The following NAALAD2 variants were observed in gnomAD, a reference collection of about 807,000 sequenced individuals.
NAALAD2 encodes N-acetylated alpha-linked acidic dipeptidase 2.
Under a neutral mutation model 95.6 loss-of-function variants are expected in NAALAD2, and 89 were observed. The observed-to-expected ratio is 0.93, with a 90% CI of 0.78 to 1.11. The LOEUF (loss-of-function observed/expected upper bound fraction) is 1.11. Ranked by LOEUF, NAALAD2 falls within the 50% of genes least tolerant of loss-of-function variation. The pLI is 0.00. For synonymous variants in NAALAD2, 264 were observed against 294.4 expected (o/e 0.90, Z 1.06); for missense variants, 894 against 872.4 (o/e 1.02, Z -0.31).
At chr11:90,134,656 G>T, upstream of NAALAD2, 1 of 1,150,158 alleles carries the variant, frequency 8.7e-7, no homozygotes, top group East Asian at 2.4e-5. Context: ...GTCAGCGGAG[G>T]CCACCCAGAG....
chr11:90,148,522 C>T (rs1221134173), intron 3 of NAALAD2, among the ~76,000 whole-genome samples: 5 of 152,004 alleles, frequency 3.3e-5, no homozygotes, highest in Non-Finnish European at 7.4e-5. Context: ...GATGAAATAA[C>T]CACCAAACAT....
upstream of NAALAD2, chr11:90,131,769 G>T (rs1951356149): frequency 6.6e-6 from 1 of 152,114 alleles, no homozygotes; most frequent in Non-Finnish European, 1.5e-5. Context: ...TGGAGAAGAG[G>T]AGGAAAAAAT....
chr11:90,154,884 T>TATATGTATATATTATATACGTATAC (rs1565521423), intron 6 of NAALAD2, among the ~76,000 whole-genome samples: 25 of 51,090 alleles, frequency 4.9e-4, no homozygotes, highest in South Asian at 7.3e-4. Flanking sequence ...GTATACATAA[T>TATATGTATATATTATATACGTATAC]ATATGTATAT....
At chr11:90,168,236 ACT>A (rs1385663291) in intron 11 of NAALAD2, among the ~76,000 whole-genome samples, 5 of 152,204 alleles carry the variant, frequency 3.3e-5, no homozygotes, top group Non-Finnish European at 5.9e-5. Context: ...GAAGGAAGAA[ACT>A]CTGAACACAT....
Position 90,149,078 on chromosome 11 carries a change from A to G in NAALAD2, c.454A>G (p.Asn152Asp). 2 of 1,602,494 alleles carry G rather than the reference A, an allele frequency of 1.2e-6. No homozygotes were observed. Among genetic ancestry groups the G allele is most frequent in the Non-Finnish European group, 1.7e-6 (2 of 1,173,390 alleles). Residue 152 changes from asparagine (N) to aspartate (D), a missense_variant, in exon 4 of 19, where the codon AAT becomes GAT. By Grantham distance (23) the Asn-to-Asp change is conservative. Coordinates refer to ENST00000534061, the MANE Select transcript of NAALAD2 (RefSeq NM_005467.4). Reference sequence around the variant, plus strand: ...TGTTACAAATATTGTGCCACCATATAATGCTTTCTCAGCCCAAGGCATGCC... The same window carrying G: ...TGTTACAAATATTGTGCCACCATATGATGCTTTCTCAGCCCAAGGCATGCC... ...ENVTNIVPPY[N>D]AFSAQGMPEG...
intron 6 of NAALAD2, among the ~76,000 whole-genome samples, chr11:90,156,592 G>C (rs1565524788): frequency 6.6e-6 from 1 of 151,904 alleles, no homozygotes. Context: ...TTTTATGTTA[G>C]AGACAAGATT....
At chr11:90,153,830 C>T (rs1446862575) in intron 6 of NAALAD2, among the ~76,000 whole-genome samples, 1 of 151,974 alleles carries the variant, frequency 6.6e-6, no homozygotes, top group East Asian at 1.9e-4. Flanking sequence ...AGTTTCAATA[C>T]CAATTTTTCT....
rs1952345042 is a variant in NAALAD2 at position 90,163,239 on chromosome 11, T to C, written c.1076-71T>C. On this transcript the variant is annotated intron_variant, in intron 9 of 18. Coordinates refer to ENST00000534061, the MANE Select transcript of NAALAD2 (RefSeq NM_005467.4). Reference sequence around the variant, plus strand: ...AAACTCAAGCAAGAGGATGTTTATTTTAAAAACATAAATTACAAATATTTA... The same window carrying C: ...AAACTCAAGCAAGAGGATGTTTATTCTAAAAACATAAATTACAAATATTTA... The C allele has an allele frequency of 2.7e-6, 4 of 1,495,388 alleles. No individual in the cohort carries two copies. The South Asian group carries it at 5.0e-5, about 19-fold the overall frequency. The allele number at this position is 1,495,388 out of a possible 1,614,324, so 92.6% of individuals were successfully genotyped here.
intron 12 of NAALAD2, chr11:90,169,534 A>G (rs1190171282): frequency 2.0e-5 from 3 of 153,222 alleles, no homozygotes; most frequent in Middle Eastern, 6.7e-3. Flanking sequence ...AAAGAAAAAG[A>G]AAAAAACTGA....
chr11:90,158,456 A>T, intron 7 of NAALAD2: 1 of 432,126 alleles, frequency 2.3e-6, no homozygotes, highest in Non-Finnish European at 4.1e-6. Flanking sequence ...TTCGCTACAA[A>T]TGAAATTCTC....
chr11:90,163,974 T>G, intron 11 of NAALAD2: 1 of 376,516 alleles, frequency 2.7e-6, no homozygotes, highest in Non-Finnish European at 4.7e-6. Flanking sequence ...TAGAGCTAAT[T>G]TTCAAGTTTT....
rs1364119393 is a variant in NAALAD2 at position 90,169,202 on chromosome 11, T to C, written c.1342+210T>C. 2.0e-5 allele frequency: 9 copies of C among 448,238 alleles called. No individual in the cohort carries two copies. In the East Asian group the frequency reaches 2.7e-4, roughly 13 times the overall value. 27.8% of individuals were successfully genotyped at this position (448,238 alleles called of 1,614,324 possible). On this transcript the variant is annotated intron_variant, in intron 12 of 18. Coordinates refer to ENST00000534061, the MANE Select transcript of NAALAD2 (RefSeq NM_005467.4). ...TAATTAGGATTCATATGAATTGATA[T>C]GATTCATAACTAAGCTATTGCTTTT...
intron 12 of NAALAD2, chr11:90,169,820 T>C: frequency 4.4e-6 from 2 of 450,456 alleles, no homozygotes; most frequent in African/African-American, 2.0e-5. Context: ...GAATGACCCT[T>C]ATAATCACTG....
intron 11 of NAALAD2, among the ~76,000 whole-genome samples, chr11:90,165,797 CAT>C (rs1171754505): frequency 2.0e-5 from 3 of 152,258 alleles, no homozygotes; most frequent in East Asian, 1.9e-4. Flanking sequence ...GATTTAGAAA[CAT>C]GTGATTTCTT....
Position 90,191,849 on chromosome 11 carries a change from A to G in NAALAD2, c.*102A>G. ...AGCCAGGGTGTTCTAAACTCTTTTC[A>G]TGTCATGTTTTGATTATAGGCTTTG... On this transcript the variant is annotated 3_prime_UTR_variant, in exon 19 of 19. Coordinates refer to ENST00000534061, the MANE Select transcript of NAALAD2 (RefSeq NM_005467.4). 2.2e-6 allele frequency: 2 copies of G among 906,594 alleles called. No individual in the cohort carries two copies. Among genetic ancestry groups the G allele is most frequent in the South Asian group, 3.5e-5 (1 of 28,602 alleles). 56.2% of individuals were successfully genotyped at this position (906,594 alleles called of 1,614,324 possible).
chr11:90,169,944 G>A, intron 12 of NAALAD2, 125 bp from the exon 13 acceptor site: 1 of 691,558 alleles, frequency 1.4e-6, no homozygotes, highest in South Asian at 1.7e-5. Context: ...TATTCTTTGG[G>A]AATAAAATCT....
At chr11:90,163,487 A>G (rs770193738) in intron 10 of NAALAD2, 48 bp from the exon 11 acceptor site, 5 of 1,612,984 alleles carry the variant, frequency 3.1e-6, no homozygotes, top group Non-Finnish European at 4.2e-6. Flanking sequence ...ATTTTCTTTT[A>G]TTTTTTAGGC....
At position 90,170,586 on chromosome 11, in the gene NAALAD2, T is replaced by C. The variant is rs116073313; in HGVS notation, c.1410+450T>C. Reference sequence around the variant, plus strand: ...CACTGAATTCGAAGACTTTGTAATCTAGAGAGGACACAGATTGGTAAATGA... The same window carrying C: ...CACTGAATTCGAAGACTTTGTAATCCAGAGAGGACACAGATTGGTAAATGA... On this transcript the variant is annotated intron_variant, in intron 13 of 18. Coordinates refer to ENST00000534061, the MANE Select transcript of NAALAD2 (RefSeq NM_005467.4). Among the ~76,000 whole-genome samples, 472 of 152,320 alleles carry C rather than the reference T, an allele frequency of 3.1e-3. 4 individuals are homozygous for C. The highest frequency in any genetic ancestry group is 0.01 in the African/African-American group (426 of 41,564).
At chr11:90,164,968 C>T (rs555725141) in intron 11 of NAALAD2, among the ~76,000 whole-genome samples, 68 of 152,338 alleles carry the variant, frequency 4.5e-4, no homozygotes, top group African/African-American at 1.5e-3. Context: ...CCTTTCCCTT[C>T]TCCCACCTTC....
Sources: allele counts gnomAD v4.1 joint callset (sites outside exome capture counted in the v4.1 genomes callset), GRCh38; gene constraint gnomAD v4.1.1; transcripts MANE v1.5; gene names NCBI Gene and HGNC (gene_info 2026-07-23, HGNC 2026-07-21).